Variants in LDHC observed in about 807,000 individuals in gnomAD.
LDHC encodes lactate dehydrogenase C.
Under a neutral mutation model 30.2 loss-of-function variants are expected in LDHC, and 20 were observed. That is an observed-to-expected ratio of 0.66 (90% CI 0.47 to 0.96). The LOEUF is 0.96. Ranked by LOEUF, LDHC falls within the 40% of genes least tolerant of loss-of-function variation. The pLI, the probability that LDHC is intolerant of heterozygous loss-of-function variation, is 0.00. For synonymous variants in LDHC, 139 were observed against 132.7 expected (o/e 1.05, Z -0.32); for missense variants, 362 against 394.9 (o/e 0.92, Z 0.71).
intron 3 of LDHC, among the ~76,000 whole-genome samples, chr11:18,421,356 C>T (rs747830298): frequency 7.2e-5 from 11 of 151,902 alleles, no homozygotes; most frequent in Non-Finnish European, 1.0e-4. Context: ...TGGCTGGCCT[C>T]AAATTTTTAA....
chr11:18,427,077 G>A (rs1029149489), intron 3 of LDHC, among the ~76,000 whole-genome samples: 2 of 152,136 alleles, frequency 1.3e-5, no homozygotes, highest in Admixed American at 1.3e-4. Context: ...GCTATTAGCG[G>A]CTGGGCGTGG....
At chr11:18,432,994 C>CTTTTTGTTGCCTGTGTACTTTGGG (rs1848295461) in intron 4 of LDHC, among the ~76,000 whole-genome samples, 1 of 152,124 alleles carries the variant, frequency 6.6e-6, no homozygotes, top group Non-Finnish European at 1.5e-5. Context: ...ATTCATCATG[C>CTTTTTGTTGCCTGTGTACTTTGGG]TTTTTGTTGC....
chr11:18,424,474 T>C (rs1848126904), intron 3 of LDHC, among the ~76,000 whole-genome samples: 1 of 152,106 alleles, frequency 6.6e-6, no homozygotes, highest in South Asian at 2.1e-4. Flanking sequence ...CTTCTAAATA[T>C]AGTCCCAAGA....
chr11:18,439,563 CAA>C (rs34511927), intron 6 of LDHC, among the ~76,000 whole-genome samples: 902 of 59,342 alleles, frequency 0.015, 10 homozygotes, highest in African/African-American at 0.054. Flanking sequence ...AACTCCATCT[CAA>C]AAAAAAAAAA....
intron 6 of LDHC, 65 bp from the exon 7 acceptor site, chr11:18,446,145 G>T: frequency 7.5e-7 from 1 of 1,338,894 alleles, no homozygotes; most frequent in Non-Finnish European, 1.1e-6. Flanking sequence ...GATGCTTGAA[G>T]AATATTATGT....
chr11:18,424,993 G>C (rs551972900), intron 3 of LDHC, among the ~76,000 whole-genome samples: 1 of 152,242 alleles, frequency 6.6e-6, no homozygotes, highest in East Asian at 1.9e-4. Flanking sequence ...GGGTGATAGA[G>C]CCATCTCAAA....
intron 4 of LDHC, among the ~76,000 whole-genome samples, chr11:18,431,302 A>G (rs1471917572): frequency 2.0e-5 from 3 of 151,888 alleles, no homozygotes; most frequent in Non-Finnish European, 4.4e-5. Context: ...CTCTACTAAA[A>G]ATACAAAATT....
At chr11:18,442,229 CTA>C (rs147547216) in intron 6 of LDHC, among the ~76,000 whole-genome samples, 2,376 of 152,156 alleles carry the variant, frequency 0.016, 52 homozygotes, top group African/African-American at 0.054. Context: ...TAACCTAGTT[CTA>C]TGATAGTTAA....
At chr11:18,441,848 G>A (rs1204939460) in intron 6 of LDHC, among the ~76,000 whole-genome samples, 1 of 152,118 alleles carries the variant, frequency 6.6e-6, no homozygotes, top group Non-Finnish European at 1.5e-5. Context: ...GGAGGTTGCT[G>A]TGAGTTGAGG....
chr11:18,434,945 A>G (rs1848332011), intron 5 of LDHC, 32 bp downstream of exon 5: 1 of 1,454,208 alleles, frequency 6.9e-7, no homozygotes, highest in Non-Finnish European at 9.6e-7. Context: ...TTACGTGACT[A>G]CCCTTCTTAT....
chr11:18,446,953 A>G (rs1848563478), intron 7 of LDHC, among the ~76,000 whole-genome samples: 1 of 152,302 alleles, frequency 6.6e-6, no homozygotes, highest in East Asian at 1.9e-4. Flanking sequence ...GCTTATAGTA[A>G]AGATCAAGTA....
chr11:18,422,789 C>T (rs1014763605), intron 3 of LDHC, among the ~76,000 whole-genome samples: 1 of 151,662 alleles, frequency 6.6e-6, no homozygotes, highest in African/African-American at 2.4e-5. Context: ...TTAAGACCAG[C>T]CTGGGAAACA....
rs762120646 is a variant in LDHC, at chr11:18,434,722, C to T, written c.419-18C>T. The stretch of plus-strand genomic sequence containing the variant: ...AGTTATGATGAATCTTTTTCTAACA[C>T]AAAATTTTTCTTCTTAGTGGATATT... On this transcript the variant is annotated intron_variant, in intron 4 of 7. Coordinates refer to ENST00000541669, the MANE Select transcript of LDHC (RefSeq NM_017448.5). The T allele has an allele frequency of 2.0e-6, 3 of 1,517,196 alleles. No homozygotes were observed. The highest frequency in any genetic ancestry group is 9.0e-7 in the Non-Finnish European group (1 of 1,109,316). 94.0% of individuals were successfully genotyped at this position (1,517,196 alleles called of 1,614,324 possible).
At chr11:18,442,580 C>T (rs1848485377) in intron 6 of LDHC, among the ~76,000 whole-genome samples, 1 of 151,854 alleles carries the variant, frequency 6.6e-6, no homozygotes, top group Non-Finnish European at 1.5e-5. Flanking sequence ...TTTCCCCCCT[C>T]TATCATTTAC....
At chr11:18,437,205 C>T (rs1049442992) in intron 5 of LDHC, among the ~76,000 whole-genome samples, 13 of 151,994 alleles carry the variant, frequency 8.6e-5, no homozygotes, top group Non-Finnish European at 1.8e-4. Context: ...ATTCTTTTCC[C>T]TCTCATTGCT....
intron 3 of LDHC, among the ~76,000 whole-genome samples, chr11:18,426,504 G>A (rs1486957704): frequency 1.6e-5 from 2 of 127,110 alleles, no homozygotes; most frequent in African/African-American, 6.4e-5. Context: ...TCCAGCCTGG[G>A]CAACAGAGCA....
chr11:18,440,554 A>G (rs73438695), intron 6 of LDHC, among the ~76,000 whole-genome samples: 23,293 of 152,178 alleles, frequency 0.15, 2,012 homozygotes, highest in African/African-American at 0.23. Flanking sequence ...AGAGGATAGT[A>G]GTAATGACTG....
rs780430495 is a variant in LDHC, at chr11:18,451,164, G to C, written c.*37G>C. The C allele has an allele frequency of 2.0e-5, 25 of 1,256,036 alleles. No individual in the cohort carries two copies. The highest frequency in any genetic ancestry group is 2.7e-5 in the Non-Finnish European group (25 of 932,690). 77.8% of individuals were successfully genotyped at this position (1,256,036 alleles called of 1,614,324 possible). A position where few individuals can be genotyped will look rare whatever the true frequency, so the allele number is the denominator to read the frequency against. The stretch of plus-strand genomic sequence containing the variant: ...CTAATGTTCCACTGTTTGGAGAACA[G>C]AAGATAGCAGGCTGTGTATTTTAAA... On this transcript the variant is annotated 3_prime_UTR_variant, in exon 8 of 8. Transcript: ENST00000541669.
intron 3 of LDHC, among the ~76,000 whole-genome samples, chr11:18,423,918 C>T (rs1848112114): frequency 6.6e-6 from 1 of 151,952 alleles, no homozygotes; most frequent in Admixed American, 6.6e-5. Context: ...ACTCAAGTGG[C>T]TTATAAATAG....
Sources: gnomAD v4.1 joint callset for allele counts (sites outside exome capture counted in the v4.1 genomes callset) on GRCh38, gnomAD v4.1.1 for gene constraint, MANE v1.5 for transcripts, NCBI Gene and HGNC (gene_info 2026-07-23, HGNC 2026-07-21) for gene names.